CCDC112: variants seen among roughly 807,000 people sequenced by gnomAD.
The protein encoded by CCDC112 is coiled-coil domain-containing protein 112.
In CCDC112, 40 loss-of-function variants were observed where a neutral mutation model predicts 66.3. That is an observed-to-expected ratio of 0.60 (90% CI 0.47 to 0.79). CCDC112 has a LOEUF of 0.79. Ranked by LOEUF, CCDC112 falls within the 30% of genes least tolerant of loss-of-function variation. The probability of loss-of-function intolerance (pLI) is 0.00; values close to 1 mark genes in which losing one functional copy is unlikely to be tolerated. For missense variants in CCDC112, 659 were observed against 603.8 expected (o/e 1.09, Z -0.96); for synonymous variants, 214 against 197.2 (o/e 1.09, Z -0.71).
intron 2 of CCDC112, among the ~76,000 whole-genome samples, chr5:115,282,649 T>C (rs1187019593): frequency 6.6e-6 from 1 of 152,042 alleles, no homozygotes; most frequent in African/African-American, 2.4e-5. Context: ...AATCTGAATA[T>C]ATATTTCTTT....
At chr5:115,288,132 C>A (rs554398662) in intron 1 of CCDC112, among the ~76,000 whole-genome samples, 1 of 152,124 alleles carries the variant, frequency 6.6e-6, no homozygotes, top group Non-Finnish European at 1.5e-5. Context: ...AGGCACCCAC[C>A]ACCACGCCCA....
At position 115,268,949 on chromosome 5, in the gene CCDC112, CT is replaced by C; in HGVS notation, c.1479del (p.Gly494ValfsTer9). On this transcript the variant is annotated frameshift_variant, in exon 9 of 10. Transcript: ENST00000379611. LOFTEE classifies it high-confidence loss of function. ...RDPSRLYKPT[K>X]GWEERTKKIG... Reference sequence around the variant, plus strand: ...ATCTTTTTGGTTCGTTCTTCCCAACCTTTGGTGGGTTTGTAAAGCCTAGAGG... The same window carrying C: ...ATCTTTTTGGTTCGTTCTTCCCAACCTTGGTGGGTTTGTAAAGCCTAGAGG... 6.2e-7 allele frequency: 1 copy of C among 1,606,714 alleles called. No homozygotes were observed. The highest frequency in any genetic ancestry group is 8.5e-7 in the Non-Finnish European group (1 of 1,176,760).
chr5:115,287,879 T>C (rs1333702581), intron 1 of CCDC112, among the ~76,000 whole-genome samples: 1 of 151,984 alleles, frequency 6.6e-6, no homozygotes, highest in African/African-American at 2.4e-5. Context: ...TGCTTCAAAA[T>C]ATTATTTAAT....
chr5:115,283,476 C>A (rs1580804141), intron 2 of CCDC112, among the ~76,000 whole-genome samples: 1 of 152,216 alleles, frequency 6.6e-6, no homozygotes, highest in East Asian at 1.9e-4. Flanking sequence ...CTCAACCCTT[C>A]ACGCACACAC....
In CCDC112 at chr5:115,276,955, A is replaced by G. The variant is rs758908318; in HGVS notation, c.451+10T>C. Reference sequence around the variant, plus strand: ...ACATAAGAAAGATTATAATATCTAAATTTACTTACAATCAGGTGTAGGCTT... The same window carrying G: ...ACATAAGAAAGATTATAATATCTAAGTTTACTTACAATCAGGTGTAGGCTT... On this transcript the variant is annotated intron_variant, in intron 4 of 9. Coordinates refer to ENST00000379611, the MANE Select transcript of CCDC112 (RefSeq NM_001040440.3). 2.6e-6 allele frequency: 4 copies of G among 1,512,762 alleles called. No individual in the cohort carries two copies. Among genetic ancestry groups the G allele is most frequent in the Non-Finnish European group, 2.7e-6 (3 of 1,093,756 alleles). 93.7% of individuals were successfully genotyped at this position (1,512,762 alleles called of 1,614,324 possible). A position where few individuals can be genotyped will look rare whatever the true frequency, so the allele number is the denominator to read the frequency against.
At position 115,277,046 on chromosome 5, in the gene CCDC112, T is replaced by C. The variant is rs768748024; in HGVS notation, c.370A>G (p.Ile124Val). Residue 124 changes from isoleucine to valine, a missense_variant, in exon 4 of 10, where the codon ATC becomes GTC. Transcript: ENST00000379611. The part of the protein sequence containing the change: ...IHSRKTERAK[I>V]QQQLAKIHNN... ...TGTATTTTGGCCAATTGTTGCTGGA[T>C]TTTTGCTCCTATAAGAAAGAAGTAT... is the stretch of plus-strand genomic sequence containing the variant. The C allele has an allele frequency of 6.3e-7, 1 of 1,599,188 alleles. No individual in the cohort carries two copies. The highest frequency in any genetic ancestry group is 8.6e-7 in the Non-Finnish European group (1 of 1,167,982).
chr5:115,290,246 T>C (rs909683480), intron 1 of CCDC112, among the ~76,000 whole-genome samples: 20 of 152,230 alleles, frequency 1.3e-4, no homozygotes, highest in African/African-American at 3.9e-4. Flanking sequence ...ACTATTCTTT[T>C]CTTATTGAAT....
At chr5:115,270,843 T>C (rs1359982616) in intron 7 of CCDC112, among the ~76,000 whole-genome samples, 1 of 152,208 alleles carries the variant, frequency 6.6e-6, no homozygotes, top group African/African-American at 2.4e-5. Context: ...CAAGCTGCTA[T>C]TCATGCTGTT....
At chr5:115,276,245 C>T (rs1749201693) in intron 4 of CCDC112, among the ~76,000 whole-genome samples, 176 bp from the exon 5 acceptor site, 1 of 152,144 alleles carries the variant, frequency 6.6e-6, no homozygotes, top group African/African-American at 2.4e-5. Flanking sequence ...TGATTACAGA[C>T]ATTTTCCCTA....
chr5:115,290,215 G>A (rs1223612428), intron 1 of CCDC112, among the ~76,000 whole-genome samples: 3 of 152,130 alleles, frequency 2.0e-5, no homozygotes, highest in African/African-American at 4.8e-5. Flanking sequence ...TTATTCAATT[G>A]TCCAAACTTT....
chr5:115,275,898 A>G (rs1749188424), intron 5 of CCDC112, 96 bp downstream of exon 5: 2 of 848,388 alleles, frequency 2.4e-6, no homozygotes, highest in East Asian at 2.7e-5. Flanking sequence ...ACTCAAATAC[A>G]TAATAACAGA....
rs1347979206 is a variant in CCDC112, at chr5:115,296,445, C to G, written c.99G>C (p.Ala33=). 3.2e-6 allele frequency: 5 copies of G among 1,565,736 alleles called. No individual in the cohort carries two copies. In the African/African-American group the frequency reaches 4.2e-5, roughly 13 times the overall value. The change falls in exon 1 of 10, where the codon GCG becomes GCC. Residue 33 remains alanine (A), a synonymous_variant. Transcript: ENST00000379611. ...AGAATGTGVG[A]TPAPQQSDGC... The stretch of plus-strand genomic sequence containing the variant: ...GATTTACCTGTTGAGGCGCTGGCGT[C>G]GCTCCCACGCCGGTCCCGGTGGCCG...
At chr5:115,268,851 TAA>T in intron 9 of CCDC112, 29 bp downstream of exon 9, 1 of 1,279,202 alleles carries the variant, frequency 7.8e-7, no homozygotes, top group Non-Finnish European at 1.1e-6. Flanking sequence ...ATTAAATTAC[TAA>T]ATGAACACCA....
chr5:115,289,024 T>C (rs976074207), intron 1 of CCDC112: 44 of 292,594 alleles, frequency 1.5e-4, no homozygotes, highest in Non-Finnish European at 2.4e-4. Flanking sequence ...ATTCATTTTA[T>C]TGCCAGACAG....
chr5:115,290,769 C>A (rs1421267912), intron 1 of CCDC112, among the ~76,000 whole-genome samples: 1 of 151,850 alleles, frequency 6.6e-6, no homozygotes, highest in Admixed American at 6.6e-5. Flanking sequence ...TTCTTAATTT[C>A]ATTTTTGAAT....
At chr5:115,286,047 A>G (rs1749661466) in intron 1 of CCDC112, among the ~76,000 whole-genome samples, 1 of 152,216 alleles carries the variant, frequency 6.6e-6, no homozygotes, top group Non-Finnish European at 1.5e-5. Flanking sequence ...TTAAGTCAAA[A>G]TGTAATTCAC....
intron 1 of CCDC112, among the ~76,000 whole-genome samples, chr5:115,292,621 C>A (rs964707831): frequency 6.6e-6 from 1 of 152,214 alleles, no homozygotes; most frequent in African/African-American, 2.4e-5. Context: ...AAATGAGATT[C>A]TCTCCCCTTA....
At chr5:115,268,553 A>C (rs1218739274) in intron 9 of CCDC112, among the ~76,000 whole-genome samples, 1 of 151,492 alleles carries the variant, frequency 6.6e-6, no homozygotes, top group African/African-American at 2.4e-5. Context: ...TTACAGGCGT[A>C]AGCCACTGCA....
intron 1 of CCDC112, among the ~76,000 whole-genome samples, chr5:115,294,282 A>T (rs1284943008): frequency 2.0e-5 from 3 of 152,208 alleles, no homozygotes; most frequent in Admixed American, 6.5e-5. Context: ...ATCCCCAAAT[A>T]ACTCTATCTG....
Sources: gnomAD v4.1 joint callset for allele counts (sites outside exome capture counted in the v4.1 genomes callset) on GRCh38, gnomAD v4.1.1 for gene constraint, MANE v1.5 for transcripts, NCBI Gene and HGNC (gene_info 2026-07-23, HGNC 2026-07-21) for gene names.